The following BOLL variants were observed in gnomAD, a reference collection of about 807,000 sequenced individuals.
BOLL encodes boule RNA binding protein, also known as protein boule-like.
A neutral mutation model predicts 44.4 loss-of-function variants in BOLL; 23 were observed. The ratio of observed to expected loss-of-function variants is 0.52; its 90% confidence interval spans 0.37 to 0.73. The LOEUF is 0.73. Among genes scored for constraint, BOLL ranks in the 30% least tolerant of loss-of-function variants. The pLI is 0.00. For missense variants in BOLL, 287 were observed against 338.3 expected, an observed-to-expected ratio of 0.85 and a Z score of 1.19; for synonymous variants, 97 against 110.8, an observed-to-expected ratio of 0.88 and a Z score of 0.78.
At chr2:197,777,010 C>G in intron 4 of BOLL, 49 bp downstream of exon 4, 1 of 1,410,540 alleles carries the variant, frequency 7.1e-7, no homozygotes, top group Non-Finnish European at 9.8e-7. Flanking sequence ...AGATTAGTTT[C>G]AAATACAAAA....
chr2:197,740,549 T>G (rs1452194536), intron 10 of BOLL, among the ~76,000 whole-genome samples: 2 of 152,134 alleles, frequency 1.3e-5, no homozygotes, highest in Non-Finnish European at 2.9e-5. Flanking sequence ...TGAATCTGAC[T>G]AAGGAGGCAT....
chr2:197,737,029 C>A (rs1687523579), intron 10 of BOLL, among the ~76,000 whole-genome samples: 1 of 151,986 alleles, frequency 6.6e-6, no homozygotes, highest in Non-Finnish European at 1.5e-5. Context: ...ATGATTCTTT[C>A]CATCATGTCA....
chr2:197,729,663 C>T (rs1170860461), intron 10 of BOLL, among the ~76,000 whole-genome samples: 1 of 152,080 alleles, frequency 6.6e-6, no homozygotes, highest in Non-Finnish European at 1.5e-5. Flanking sequence ...CCCCTGACCC[C>T]CAAGCAGCCT....
At chr2:197,744,195 G>C (rs939167352) in intron 9 of BOLL, among the ~76,000 whole-genome samples, 3 of 152,216 alleles carry the variant, frequency 2.0e-5, no homozygotes, top group Non-Finnish European at 4.4e-5. Context: ...TGCATTTCAA[G>C]TGCTCAACTG....
At chr2:197,734,523 G>A (rs993041570) in intron 10 of BOLL, among the ~76,000 whole-genome samples, 16 of 152,032 alleles carry the variant, frequency 1.1e-4, no homozygotes, top group Admixed American at 2.0e-4. Context: ...TGTTTATCAC[G>A]GCACTATTCA....
rs930922720 is a variant in BOLL, at chr2:197,759,421, G to A, written c.553-2021C>T. On this transcript the variant is annotated intron_variant, in intron 7 of 10. Coordinates refer to ENST00000392296, the MANE Select transcript of BOLL (RefSeq NM_033030.6). ...GCTGCTGGGAATTCGTGGCTGCATTGCCCCGAATTAGGAGTACAAAGTGTG... is the reference window on the plus strand; with the variant it reads ...GCTGCTGGGAATTCGTGGCTGCATTACCCCGAATTAGGAGTACAAAGTGTG... Among the ~76,000 whole-genome samples, 5 of 152,222 alleles carry A rather than the reference G, an allele frequency of 3.3e-5. No individual in the cohort carries two copies. In the East Asian group the frequency reaches 9.6e-4, roughly 29 times the overall value.
rs372615107 is a variant in BOLL at position 197,768,962 on chromosome 2, G to A, written c.481-2359C>T. Reference sequence around the variant, plus strand: ...TGGGTCTGTTTATGTGATGGATTATGTTTATTGATTCGTGATGTTGAACCA... The same window carrying A: ...TGGGTCTGTTTATGTGATGGATTATATTTATTGATTCGTGATGTTGAACCA... On this transcript the variant is annotated intron_variant, in intron 6 of 10. Transcript: ENST00000392296. Among the ~76,000 whole-genome samples, 28 of 151,552 alleles carry A rather than the reference G, an allele frequency of 1.8e-4. 1 individual carries two copies. The highest frequency in any genetic ancestry group is 6.3e-4 in the African/African-American group (26 of 41,312).
At chr2:197,762,407 C>T (rs1688802912) in intron 7 of BOLL, among the ~76,000 whole-genome samples, 1 of 151,988 alleles carries the variant, frequency 6.6e-6, no homozygotes, top group South Asian at 2.1e-4. Context: ...GCCAAACAGA[C>T]CTAACAGCCA....
chr2:197,771,145 A>G (rs902565616), intron 6 of BOLL, among the ~76,000 whole-genome samples: 2 of 152,164 alleles, frequency 1.3e-5, no homozygotes, highest in African/African-American at 2.4e-5. Context: ...TGGCACATAT[A>G]CACAATGGAA....
chr2:197,765,765 C>G (rs184467195), intron 7 of BOLL, among the ~76,000 whole-genome samples: 1 of 151,892 alleles, frequency 6.6e-6, no homozygotes, highest in Non-Finnish European at 1.5e-5. Flanking sequence ...TAGGTAAACT[C>G]GTGTCACAGG....
At chr2:197,748,176 G>C (rs756964339) in intron 9 of BOLL, among the ~76,000 whole-genome samples, 5 of 152,214 alleles carry the variant, frequency 3.3e-5, no homozygotes, top group Non-Finnish European at 7.3e-5. Flanking sequence ...GCCAAGGGAA[G>C]CCATGAGGGA....
intron 6 of BOLL, 55 bp from the exon 7 acceptor site, chr2:197,766,658 A>G: frequency 7.8e-7 from 1 of 1,290,114 alleles, no homozygotes. Context: ...ATAGCTCACA[A>G]TAAAATTTAT....
chr2:197,766,187 C>T (rs1027751354), intron 7 of BOLL, among the ~76,000 whole-genome samples: 4 of 152,024 alleles, frequency 2.6e-5, no homozygotes, highest in Non-Finnish European at 1.5e-5. Flanking sequence ...TTATATTCCT[C>T]TGGCTATATA....
chr2:197,728,695 T>A (rs1686965303), intron 10 of BOLL, 117 bp from the exon 11 acceptor site: 1 of 707,136 alleles, frequency 1.4e-6, no homozygotes, highest in South Asian at 2.1e-5. Context: ...AGAACCTTGG[T>A]ACCAATTAAA....
At chr2:197,733,364 A>G (rs1488442534) in intron 10 of BOLL, among the ~76,000 whole-genome samples, 1 of 148,374 alleles carries the variant, frequency 6.7e-6, no homozygotes. Context: ...AAGAATCAAT[A>G]TCGTGAAAAT....
At chr2:197,754,464 C>A (rs1688411167) in intron 9 of BOLL, among the ~76,000 whole-genome samples, 1 of 152,126 alleles carries the variant, frequency 6.6e-6, no homozygotes, top group South Asian at 2.1e-4. Context: ...AATCCCAGCA[C>A]TTTGGGAGGC....
intron 7 of BOLL, among the ~76,000 whole-genome samples, chr2:197,758,185 T>C (rs189839652): frequency 4.0e-4 from 61 of 152,190 alleles, no homozygotes; most frequent in Non-Finnish European, 8.8e-5. Context: ...TGTGTTCACA[T>C]AAAAATTTGT....
rs944958210 is a variant in BOLL at position 197,766,687 on chromosome 2, C to G, written c.481-84G>C. 3.1e-6 allele frequency: 3 copies of G among 959,736 alleles called. No individual in the cohort carries two copies. The African/African-American group carries it at 4.9e-5, about 16-fold the overall frequency. The allele number at this position is 959,736 out of a possible 1,614,324, so 59.5% of individuals were successfully genotyped here. Reference sequence around the variant, plus strand: ...AATTTATCTCAAATTATTACCTAAACCCAGTAAACTTCTGGTTTATGATTA... The same window carrying G: ...AATTTATCTCAAATTATTACCTAAAGCCAGTAAACTTCTGGTTTATGATTA... On this transcript the variant is annotated intron_variant, in intron 6 of 10. Coordinates refer to ENST00000392296, the MANE Select transcript of BOLL (RefSeq NM_033030.6).
At chr2:197,755,718 G>T (rs1688484842) in intron 9 of BOLL, among the ~76,000 whole-genome samples, 1 of 152,140 alleles carries the variant, frequency 6.6e-6, no homozygotes. Flanking sequence ...CACAGGGAGG[G>T]GCACAACACA....
Sources: allele counts gnomAD v4.1 joint callset (sites outside exome capture counted in the v4.1 genomes callset), GRCh38; gene constraint gnomAD v4.1.1; transcripts MANE v1.5; gene names NCBI Gene and HGNC (gene_info 2026-07-23, HGNC 2026-07-21).